The following BID variants were observed in gnomAD, a reference collection of about 807,000 sequenced individuals.
The protein encoded by BID is BH3 interacting domain death agonist.
Under a neutral mutation model 17.4 loss-of-function variants are expected in BID, and 19 were observed. The observed-to-expected ratio is 1.09, with a 90% CI of 0.76 to 1.60. The LOEUF (loss-of-function observed/expected upper bound fraction) is 1.60, where lower values mean the gene tolerates loss of function less well. Ranked by LOEUF, BID falls within the 40% of genes most tolerant of loss-of-function variation. The pLI, the probability that BID is intolerant of heterozygous loss-of-function variation, is 0.00. For synonymous variants in BID, 108 were observed against 102.8 expected, an observed-to-expected ratio of 1.05 and a Z score of -0.31; for missense variants, 226 against 256.0, an observed-to-expected ratio of 0.88 and a Z score of 0.80.
At chr22:17,759,252 A>AAAC (rs902648980) in intron 1 of BID, among the ~76,000 whole-genome samples, 3 of 146,670 alleles carry the variant, frequency 2.0e-5, no homozygotes, top group African/African-American at 7.6e-5. Flanking sequence ...AAAACAAAAA[A>AAAC]AAAAAAACAA....
At chr22:17,757,375 C>T (rs1208064777) in intron 1 of BID, among the ~76,000 whole-genome samples, 2 of 137,150 alleles carry the variant, frequency 1.5e-5, no homozygotes, top group African/African-American at 5.7e-5. Flanking sequence ...TGCACTCCAG[C>T]CTGGGCAACA....
intron 3 of BID, among the ~76,000 whole-genome samples, chr22:17,742,983 C>T (rs768249519): frequency 1.1e-4 from 17 of 152,220 alleles, no homozygotes; most frequent in Non-Finnish European, 1.6e-4. Context: ...ACCATGGTGA[C>T]CTGGAGTCAG....
intron 5 of BID, among the ~76,000 whole-genome samples, chr22:17,737,404 TG>T (rs929573352): frequency 6.6e-6 from 1 of 152,070 alleles, no homozygotes; most frequent in African/African-American, 2.4e-5. Context: ...TAAAGTGCAG[TG>T]GTGCGATCTC....
At chr22:17,750,814 C>T (rs914401256) in intron 1 of BID, among the ~76,000 whole-genome samples, 18 of 149,836 alleles carry the variant, frequency 1.2e-4, no homozygotes, top group Non-Finnish European at 2.5e-4. Context: ...GGCGACAGAG[C>T]GAGACTCCAT....
intron 5 of BID, among the ~76,000 whole-genome samples, chr22:17,736,962 C>T (rs1253129871): frequency 6.6e-6 from 1 of 152,018 alleles, no homozygotes; most frequent in Admixed American, 6.6e-5. Context: ...CGCCACCACA[C>T]CCAGCTAATT....
chr22:17,747,638 TA>T (rs1392485851), intron 2 of BID, among the ~76,000 whole-genome samples: 3 of 152,094 alleles, frequency 2.0e-5, no homozygotes, highest in Non-Finnish European at 2.9e-5. Context: ...CCACTTTTGA[TA>T]AAAGAATTGA....
At chr22:17,751,144 G>A (rs908534230) in intron 1 of BID, among the ~76,000 whole-genome samples, 5 of 151,600 alleles carry the variant, frequency 3.3e-5, no homozygotes, top group Non-Finnish European at 4.4e-5. Context: ...AGGCCGAGGC[G>A]GGTGGATCAT....
intron 5 of BID, among the ~76,000 whole-genome samples, chr22:17,737,215 G>T (rs903640047): frequency 7.9e-5 from 12 of 152,132 alleles, no homozygotes; most frequent in African/African-American, 2.7e-4. Flanking sequence ...TTCCCAAATC[G>T]CTGGGATTAC....
chr22:17,750,452 G>A (rs1328993078), intron 1 of BID, among the ~76,000 whole-genome samples: 1 of 152,228 alleles, frequency 6.6e-6, no homozygotes, highest in African/African-American at 2.4e-5. Flanking sequence ...TCAGGGAAAC[G>A]GGGCCGTGGG....
Position 17,750,128 on chromosome 22 carries a change from C to G in BID, c.-12G>C. 1 of 1,613,334 alleles carries G rather than the reference C, an allele frequency of 6.2e-7. No homozygotes were observed. The highest frequency in any genetic ancestry group is 8.5e-7 in the Non-Finnish European group (1 of 1,179,906). ...ACCTCACAGTCCATGGCCTGGGCAG[C>G]GCGGCAGCTCCGACTCACTCCTGGT... On this transcript the variant is annotated 5_prime_UTR_variant, in exon 2 of 6. Coordinates refer to ENST00000622694, the MANE Select transcript of BID (RefSeq NM_001196.4).
At chr22:17,739,566 CCGG>C in intron 3 of BID, 78 bp from the exon 4 acceptor site, 1 of 1,537,060 alleles carries the variant, frequency 6.5e-7, no homozygotes, top group Admixed American at 1.8e-5. Flanking sequence ...CCACCCTGCC[CCGG>C]GAAAGGACAG....
At chr22:17,759,282 G>C (rs1186647445) in intron 1 of BID, among the ~76,000 whole-genome samples, 2 of 145,220 alleles carry the variant, frequency 1.4e-5, no homozygotes, top group Non-Finnish European at 1.5e-5. Flanking sequence ...GTGTGGGCTG[G>C]GTGCGGTGGC....
chr22:17,756,163 G>A (rs573136032), intron 1 of BID, among the ~76,000 whole-genome samples: 84 of 152,302 alleles, frequency 5.5e-4, no homozygotes, highest in African/African-American at 1.8e-3. Flanking sequence ...CACTGCAGCC[G>A]GCCTGTTGTT....
chr22:17,739,019 G>A (rs1336042835), intron 4 of BID, among the ~76,000 whole-genome samples: 2 of 152,160 alleles, frequency 1.3e-5, no homozygotes, highest in African/African-American at 2.4e-5. Flanking sequence ...CAGGGCTTAC[G>A]GTTCTCACTG....
rs780150906 is a variant in BID at position 17,750,156 on chromosome 22, A to T, written c.-40T>A. The T allele has an allele frequency of 4.3e-6, 7 of 1,613,052 alleles. No individual in the cohort carries two copies. The highest frequency in any genetic ancestry group is 5.9e-6 in the Non-Finnish European group (7 of 1,179,836). On this transcript the variant is annotated 5_prime_UTR_variant, in exon 2 of 6. Coordinates refer to ENST00000622694, the MANE Select transcript of BID (RefSeq NM_001196.4). ...GGCAGCTCCGACTCACTCCTGGTTC[A>T]CAGTGTCCCAGTGGCGACCTGGAAA...
intron 5 of BID, 103 bp downstream of exon 5, chr22:17,737,913 CT>C: frequency 8.2e-7 from 1 of 1,220,208 alleles, no homozygotes; most frequent in Non-Finnish European, 1.2e-6. Flanking sequence ...GCCTGTAACC[CT>C]TGTGCTGGCA....
In BID at chr22:17,773,694, A is replaced by T. The variant is rs1339735973; in HGVS notation, c.-59+687T>A. On this transcript the variant is annotated intron_variant, in intron 1 of 5. Transcript: ENST00000622694. This position sits in a 1 kb window ranked among gnomAD's most constrained non-coding sequence, Gnocchi z 4.4. ...GACCCCAGCACCGCTGCACATTCGT[A>T]TTTGTTGAATGAATGAATGAACCCT... 2.5e-6 allele frequency: 4 copies of T among 1,608,370 alleles called. No homozygotes were observed. The highest frequency in any genetic ancestry group is 1.3e-5 in the African/African-American group (1 of 74,788).
chr22:17,741,796 G>A (rs193184621), intron 3 of BID, among the ~76,000 whole-genome samples: 2 of 152,228 alleles, frequency 1.3e-5, no homozygotes, highest in East Asian at 1.9e-4. Flanking sequence ...ATTTATAGCC[G>A]CTGGGCTTTT....
chr22:17,757,136 C>G (rs1427644276), intron 1 of BID, among the ~76,000 whole-genome samples: 1 of 152,056 alleles, frequency 6.6e-6, no homozygotes, highest in Non-Finnish European at 1.5e-5. Flanking sequence ...AGGCTTCGGC[C>G]GGGCACGCTG....
Sources: allele counts gnomAD v4.1 joint callset (sites outside exome capture counted in the v4.1 genomes callset), GRCh38; gene constraint gnomAD v4.1.1; non-coding constraint Gnocchi (gnomAD v3.1); transcripts MANE v1.5; gene names NCBI Gene and HGNC (gene_info 2026-07-23, HGNC 2026-07-21).